Variants in CLYBL observed in about 807,000 individuals in gnomAD.
CLYBL encodes citramalyl-CoA lyase.
CLYBL carries 31 observed loss-of-function variants against 38.9 expected under a neutral mutation model. That is an observed-to-expected ratio of 0.80 (90% CI 0.60 to 1.08). The LOEUF (loss-of-function observed/expected upper bound fraction) is 1.08, where lower values mean the gene tolerates loss of function less well. Ranked by LOEUF, CLYBL falls within the 50% of genes least tolerant of loss-of-function variation. CLYBL has a pLI of 0.00. For missense variants in CLYBL, 434 were observed against 411.6 expected (o/e 1.05, Z -0.47); for synonymous variants, 171 against 158.6 (o/e 1.08, Z -0.59).
intron 7 of CLYBL, among the ~76,000 whole-genome samples, chr13:99,883,715 CAG>C (rs2052276115): frequency 6.6e-6 from 1 of 152,078 alleles, no homozygotes; most frequent in African/African-American, 2.4e-5. Flanking sequence ...CACTGGTGAC[CAG>C]AGACACAAGG....
intron 2 of CLYBL, among the ~76,000 whole-genome samples, chr13:99,817,851 A>T (rs2050491993): frequency 6.6e-6 from 1 of 151,814 alleles, no homozygotes; most frequent in Non-Finnish European, 1.5e-5. Context: ...AAAAAATTTT[A>T]AAATTAGTCG....
intron 1 of CLYBL, among the ~76,000 whole-genome samples, chr13:99,644,372 A>C (rs1350707798): frequency 6.6e-6 from 1 of 152,194 alleles, no homozygotes; most frequent in African/African-American, 2.4e-5. Context: ...ATTTATTTTA[A>C]AAATTTTAAT....
intron 1 of CLYBL, among the ~76,000 whole-genome samples, chr13:99,746,182 C>A (rs1387053533): frequency 6.6e-6 from 1 of 151,950 alleles, no homozygotes; most frequent in African/African-American, 2.4e-5. Flanking sequence ...CGTTTAGCAG[C>A]CTTTGAGCTT....
chr13:99,635,317 C>A (rs2047004031), intron 1 of CLYBL, among the ~76,000 whole-genome samples: 1 of 152,104 alleles, frequency 6.6e-6, no homozygotes, highest in Non-Finnish European at 1.5e-5. Context: ...CCCCCACACC[C>A]CCAACCTTTT....
At chr13:99,684,035 A>ATTTTTTTTTTTTTTTTTTTTTTTTT in intron 1 of CLYBL, among the ~76,000 whole-genome samples, 1 of 86,380 alleles carries the variant, frequency 1.2e-5, no homozygotes, top group Non-Finnish European at 2.2e-5. Flanking sequence ...TGCCTGGCTA[A>ATTTTTTTTTTTTTTTTTTTTTTTTT]TTTTTTTTTT....
intron 1 of CLYBL, among the ~76,000 whole-genome samples, chr13:99,696,071 T>C (rs1207648781): frequency 6.6e-6 from 1 of 152,108 alleles, no homozygotes; most frequent in East Asian, 1.9e-4. Context: ...TGATGGTCCT[T>C]GAGTCAGAGA....
chr13:99,647,191 CA>C (rs751038310), intron 1 of CLYBL, among the ~76,000 whole-genome samples: 5 of 152,204 alleles, frequency 3.3e-5, no homozygotes, highest in Non-Finnish European at 5.9e-5. Flanking sequence ...AGAAATGCTA[CA>C]GTCTTTAAAA....
chr13:99,786,462 T>A (rs1256527839), intron 2 of CLYBL, among the ~76,000 whole-genome samples: 1 of 152,040 alleles, frequency 6.6e-6, no homozygotes, highest in Non-Finnish European at 1.5e-5. Context: ...CGGTGTTTGG[T>A]TTTTTGTTCT....
intron 6 of CLYBL, 115 bp downstream of exon 6, chr13:99,866,522 A>C (rs1296916897): frequency 2.3e-5 from 19 of 817,084 alleles, no homozygotes; most frequent in Non-Finnish European, 3.1e-5. Context: ...TTACTCCACT[A>C]TTTGAAATAT....
At chr13:99,783,818 C>T (rs1265958055) in intron 2 of CLYBL, 1 of 152,106 alleles carries the variant, frequency 6.6e-6, no homozygotes, top group African/African-American at 2.4e-5. Context: ...CCCTCATCAA[C>T]AATCATGGAT....
At chr13:99,676,174 T>TTCCC (rs1365180476) in intron 1 of CLYBL, among the ~76,000 whole-genome samples, 11 of 132,908 alleles carry the variant, frequency 8.3e-5, no homozygotes, top group Admixed American at 7.6e-4. Flanking sequence ...GCTTCCTTCC[T>TTCCC]TCCCTCCGTC....
intron 1 of CLYBL, among the ~76,000 whole-genome samples, chr13:99,718,022 G>GT (rs1245948168): frequency 6.6e-6 from 1 of 151,822 alleles, no homozygotes; most frequent in Non-Finnish European, 1.5e-5. Context: ...TTCTCTTACT[G>GT]TTTTTTGTTT....
chr13:99,724,827 A>G (rs888979398), intron 1 of CLYBL, among the ~76,000 whole-genome samples: 33 of 152,208 alleles, frequency 2.2e-4, no homozygotes, highest in African/African-American at 1.4e-4. Context: ...TAATGAGGTC[A>G]TAAAAGAAAA....
intron 1 of CLYBL, among the ~76,000 whole-genome samples, chr13:99,729,474 A>G (rs1019402501): frequency 4.6e-5 from 7 of 152,122 alleles, no homozygotes; most frequent in Admixed American, 3.3e-4. Context: ...CTGGTCAGTA[A>G]GATGTGTGCC....
chr13:99,774,408 A>G (rs1275831319), intron 2 of CLYBL, among the ~76,000 whole-genome samples: 2 of 152,338 alleles, frequency 1.3e-5, no homozygotes, highest in African/African-American at 4.8e-5. Context: ...TCATTATAAC[A>G]ATAACTTACA....
downstream of CLYBL, among the ~76,000 whole-genome samples, chr13:99,901,070 G>A (rs1035329066): frequency 6.6e-6 from 1 of 152,190 alleles, no homozygotes; most frequent in Non-Finnish European, 1.5e-5. Context: ...GTCTTGGGTT[G>A]TCTGAGGGAA....
chr13:99,877,039 C>T (rs1338001685), intron 7 of CLYBL, among the ~76,000 whole-genome samples: 1 of 152,184 alleles, frequency 6.6e-6, no homozygotes, highest in Non-Finnish European at 1.5e-5. Context: ...AGGCTCTGTT[C>T]ACTGCAAACC....
chr13:99,842,366 A>G (rs991971264), intron 2 of CLYBL, among the ~76,000 whole-genome samples: 1 of 152,156 alleles, frequency 6.6e-6, no homozygotes, highest in Non-Finnish European at 1.5e-5. Flanking sequence ...GGGAAAGGTG[A>G]GAGAAAGACC....
intron 2 of CLYBL, among the ~76,000 whole-genome samples, chr13:99,804,268 A>G (rs2138955472): frequency 6.6e-6 from 1 of 152,368 alleles, no homozygotes; most frequent in Middle Eastern, 3.4e-3. Context: ...ATGGCCCCCA[A>G]GGGCTCTTGC....
Sources: allele counts gnomAD v4.1 joint callset (sites outside exome capture counted in the v4.1 genomes callset), GRCh38; gene constraint gnomAD v4.1.1; transcripts MANE v1.5; gene names NCBI Gene and HGNC (gene_info 2026-07-23, HGNC 2026-07-21).